Variants in GRIK2 observed in about 807,000 individuals in gnomAD.
GRIK2 encodes the protein glutamate receptor ionotropic, kainate 2.
In GRIK2, 32 loss-of-function variants were observed where a neutral mutation model predicts 100.3. That is an observed-to-expected ratio of 0.32 (90% confidence interval 0.24 to 0.43). GRIK2 has a LOEUF of 0.43. Among genes scored for constraint, GRIK2 ranks in the 20% least tolerant of loss-of-function variants. The probability of loss-of-function intolerance (pLI) is 1.00; values close to 1 mark genes in which losing one functional copy is unlikely to be tolerated. For missense variants in GRIK2, 843 were observed against 1,114.9 expected (o/e 0.76, Z 3.47); for synonymous variants, 417 against 389.4 (o/e 1.07, Z -0.83).
intron 2 of GRIK2, among the ~76,000 whole-genome samples, chr6:101,429,050 A>G (rs887071372): frequency 6.6e-6 from 1 of 152,208 alleles, no homozygotes; most frequent in Admixed American, 6.5e-5. Context: ...CCTGAGTCCA[A>G]CTTACTAAAC....
intron 12 of GRIK2, among the ~76,000 whole-genome samples, chr6:101,914,169 A>G (rs1034060005): frequency 6.6e-6 from 1 of 151,340 alleles, no homozygotes; most frequent in African/African-American, 2.4e-5. Flanking sequence ...AATAGGCAAT[A>G]AACTTTGGTG....
At chr6:101,696,649 T>C (rs1016843660) in intron 7 of GRIK2, among the ~76,000 whole-genome samples, 1 of 151,916 alleles carries the variant, frequency 6.6e-6, no homozygotes, top group Admixed American at 6.6e-5. Context: ...TTGTATTTAA[T>C]GCTTACTGCA....
intron 7 of GRIK2, among the ~76,000 whole-genome samples, chr6:101,791,096 CT>C (rs1425523438): frequency 1.3e-5 from 2 of 152,126 alleles, no homozygotes; most frequent in African/African-American, 2.4e-5. Flanking sequence ...ATTCTTCTCT[CT>C]TTTTTTCTTT....
chr6:101,585,560 T>C (rs1195096176), intron 2 of GRIK2, among the ~76,000 whole-genome samples: 1 of 152,082 alleles, frequency 6.6e-6, no homozygotes, highest in Non-Finnish European at 1.5e-5. Context: ...GTAAATGTGA[T>C]ACAGGGTATT....
In GRIK2 at chr6:101,816,675, G is replaced by A. The variant is rs188733837; in HGVS notation, c.1204-1695G>A. On this transcript the variant is annotated intron_variant, in intron 9 of 16. Coordinates refer to ENST00000369134, the MANE Select transcript of GRIK2 (RefSeq NM_021956.5). Reference sequence around the variant, plus strand: ...CATTGCACTTCAGCCTGGTGACAGAGCAAGACTCCATCTCAAAAATAGATA... The same window carrying A: ...CATTGCACTTCAGCCTGGTGACAGAACAAGACTCCATCTCAAAAATAGATA... Among the ~76,000 whole-genome samples, 396 of 152,102 alleles carry A rather than the reference G, an allele frequency of 2.6e-3. 2 individuals are homozygous for A. Among genetic ancestry groups the A allele is most frequent in the African/African-American group, 9.2e-3 (382 of 41,510 alleles).
At chr6:101,543,770 T>A (rs908034382) in intron 2 of GRIK2, among the ~76,000 whole-genome samples, 3 of 152,206 alleles carry the variant, frequency 2.0e-5, no homozygotes, top group African/African-American at 7.2e-5. Context: ...ATATTATTTT[T>A]AAAGTGCTTA....
At chr6:101,944,774 ATT>A (rs1043464160) in intron 14 of GRIK2, among the ~76,000 whole-genome samples, 1 of 152,036 alleles carries the variant, frequency 6.6e-6, no homozygotes, top group Non-Finnish European at 1.5e-5. Flanking sequence ...GATTTTTCAC[ATT>A]TTTTTAAAGA....
At chr6:101,457,560 C>A (rs938263322) in intron 2 of GRIK2, among the ~76,000 whole-genome samples, 4 of 151,950 alleles carry the variant, frequency 2.6e-5, no homozygotes, top group African/African-American at 7.2e-5. Flanking sequence ...CTTTAATTAT[C>A]ATTTTGACTT....
chr6:101,775,345 G>A (rs9498695), intron 7 of GRIK2, among the ~76,000 whole-genome samples: 31,357 of 151,912 alleles, frequency 0.21, 5,038 homozygotes, highest in East Asian at 0.65. Context: ...GGCCAAGACA[G>A]TTTCTTATCT....
chr6:101,798,167 G>T (rs1644946257), intron 7 of GRIK2, among the ~76,000 whole-genome samples: 1 of 151,298 alleles, frequency 6.6e-6, no homozygotes, highest in South Asian at 2.1e-4. Flanking sequence ...TATTTTTAAG[G>T]CTCTCTTACG....
At chr6:101,563,003 T>G (rs1415791985) in intron 2 of GRIK2, among the ~76,000 whole-genome samples, 1 of 152,184 alleles carries the variant, frequency 6.6e-6, no homozygotes, top group Non-Finnish European at 1.5e-5. Flanking sequence ...CTTCTCTCAC[T>G]AAGACATCAA....
At chr6:101,462,843 G>C (rs527444908) in intron 2 of GRIK2, among the ~76,000 whole-genome samples, 1 of 152,290 alleles carries the variant, frequency 6.6e-6, no homozygotes, top group East Asian at 1.9e-4. Flanking sequence ...CGAGGGTGGG[G>C]TTTAGTGAAA....
intron 7 of GRIK2, among the ~76,000 whole-genome samples, chr6:101,777,127 A>G (rs974869570): frequency 6.6e-6 from 1 of 152,238 alleles, no homozygotes; most frequent in African/African-American, 2.4e-5. Context: ...TAATACAAAG[A>G]GCCAGCAACA....
chr6:101,867,303 T>C (rs1785111788), intron 11 of GRIK2, among the ~76,000 whole-genome samples: 1 of 152,042 alleles, frequency 6.6e-6, no homozygotes, highest in Non-Finnish European at 1.5e-5. Flanking sequence ...TAAGGAGACA[T>C]TCTGTGATTA....
chr6:101,761,674 AAGCTTTTCT>A (rs1393662793), intron 7 of GRIK2, among the ~76,000 whole-genome samples: 1 of 152,146 alleles, frequency 6.6e-6, no homozygotes, highest in African/African-American at 2.4e-5. Flanking sequence ...CTCAGACTGA[AAGCTTTTCT>A]GGTCACGATT....
chr6:101,593,845 A>T (rs1778789015), intron 2 of GRIK2, among the ~76,000 whole-genome samples: 1 of 151,716 alleles, frequency 6.6e-6, no homozygotes, highest in Admixed American at 6.6e-5. Flanking sequence ...CTTTTTTCTC[A>T]TGCTATTGGA....
At chr6:101,753,142 C>T (rs1416643475) in intron 7 of GRIK2, among the ~76,000 whole-genome samples, 4 of 151,798 alleles carry the variant, frequency 2.6e-5, no homozygotes, top group African/African-American at 4.8e-5. Context: ...ATTAGCCTGG[C>T]GTGGTGGCGG....
At chr6:101,728,139 G>T (rs1382350905) in intron 7 of GRIK2, among the ~76,000 whole-genome samples, 1 of 151,708 alleles carries the variant, frequency 6.6e-6, no homozygotes, top group Non-Finnish European at 1.5e-5. Context: ...GAAATAATTT[G>T]GTTAACTTAT....
At chr6:101,808,370 G>A (rs1385517539) in intron 9 of GRIK2, among the ~76,000 whole-genome samples, 1 of 151,988 alleles carries the variant, frequency 6.6e-6, no homozygotes, top group Non-Finnish European at 1.5e-5. Context: ...ATAGGAAACT[G>A]TAATGCAATA....
Sources: allele counts gnomAD v4.1 joint callset (sites outside exome capture counted in the v4.1 genomes callset), GRCh38; gene constraint gnomAD v4.1.1; transcripts MANE v1.5; gene names NCBI Gene and HGNC (gene_info 2026-07-23, HGNC 2026-07-21).